Variants in CHRM3 observed in about 807,000 individuals in gnomAD.
CHRM3 encodes the protein muscarinic acetylcholine receptor M3.
A neutral mutation model predicts 41.8 loss-of-function variants in CHRM3; 11 were observed. The observed-to-expected ratio is 0.26, with a 90% confidence interval of 0.17 to 0.44. CHRM3 has a LOEUF of 0.44. Ranked by LOEUF, CHRM3 falls within the 20% of genes least tolerant of loss-of-function variation. The pLI is 1.00. For missense variants in CHRM3, 571 were observed against 745.4 expected (o/e 0.77, Z 2.72); for synonymous variants, 297 against 301.4 (o/e 0.99, Z 0.15).
At position 239,446,224 on chromosome 1, in the gene CHRM3, C is replaced by T. The variant is rs543791709; in HGVS notation, c.-520-46485C>T. Among the ~76,000 whole-genome samples the T allele has an allele frequency of 9.9e-5, 15 of 152,258 alleles. No individual in the cohort carries two copies. The East Asian group carries it at 1.9e-3, about 20-fold the overall frequency. ...TGTTGCAATTACAGGCGTGAGCCAC[C>T]ATGCCTGGCCAGTGTGCACTTTCTA... On this transcript the variant is annotated intron_variant, in intron 1 of 6. Transcript: ENST00000676153.
At chr1:239,694,060 T>C (rs868573808) in intron 5 of CHRM3, among the ~76,000 whole-genome samples, 1 of 152,190 alleles carries the variant, frequency 6.6e-6, no homozygotes, top group African/African-American at 2.4e-5. Flanking sequence ...ATGCTGTTTG[T>C]ATGATATGCA....
At chr1:239,769,345 A>G (rs1449416528) in intron 5 of CHRM3, among the ~76,000 whole-genome samples, 1 of 152,114 alleles carries the variant, frequency 6.6e-6, no homozygotes. Context: ...TGTTATGTCA[A>G]CCCTGTAAGA....
intron 3 of CHRM3, among the ~76,000 whole-genome samples, chr1:239,609,283 G>A (rs1666721536): frequency 6.6e-6 from 1 of 152,138 alleles, no homozygotes; most frequent in South Asian, 2.1e-4. Flanking sequence ...CTTTCACTCA[G>A]CAAAATTATT....
intron 5 of CHRM3, among the ~76,000 whole-genome samples, chr1:239,811,532 A>G (rs1364176385): frequency 6.6e-6 from 1 of 152,198 alleles, no homozygotes; most frequent in Non-Finnish European, 1.5e-5. Flanking sequence ...AGCTATTCAC[A>G]GACTCCTTTG....
chr1:239,668,089 C>CTTTTTTTTTTTTTTT (rs1221135009), intron 4 of CHRM3, among the ~76,000 whole-genome samples: 1 of 75,598 alleles, frequency 1.3e-5, no homozygotes, highest in Non-Finnish European at 2.6e-5. Context: ...TTTCCCCTTT[C>CTTTTTTTTTTTTTTT]TTTTTTTTTT....
chr1:239,431,182 C>T (rs1210860924), intron 1 of CHRM3, among the ~76,000 whole-genome samples: 2 of 152,040 alleles, frequency 1.3e-5, no homozygotes, highest in East Asian at 1.9e-4. Flanking sequence ...GTCAAATGCT[C>T]GTGTACATTA....
At position 239,454,954 on chromosome 1, in the gene CHRM3, A is replaced by C. The variant is rs543259883; in HGVS notation, c.-520-37755A>C. 1.7e-4 allele frequency among the ~76,000 whole-genome samples: 26 copies of C among 152,316 alleles called. No individual in the cohort carries two copies. The South Asian group carries it at 5.4e-3, about 32-fold the overall frequency. ...GTTGTATAGAAGTATAGCACATAGA[A>C]TTATGTATAGTACATAATACTTGGT... On this transcript the variant is annotated intron_variant, in intron 1 of 6. Coordinates refer to ENST00000676153, the MANE Select transcript of CHRM3 (RefSeq NM_001375978.1).
chr1:239,700,024 A>G (rs866024246), intron 5 of CHRM3, among the ~76,000 whole-genome samples: 2 of 152,304 alleles, frequency 1.3e-5, no homozygotes, highest in Middle Eastern at 3.4e-3. Flanking sequence ...TCTGGAAGGA[A>G]AAAAGAAACC....
intron 5 of CHRM3, among the ~76,000 whole-genome samples, chr1:239,723,208 A>G (rs1043325373): frequency 2.6e-5 from 4 of 151,996 alleles, no homozygotes; most frequent in African/African-American, 7.2e-5. Flanking sequence ...ATTACTTGCC[A>G]GAAATGCTAA....
intron 1 of CHRM3, among the ~76,000 whole-genome samples, chr1:239,475,258 G>A (rs1201322770): frequency 6.6e-6 from 1 of 151,998 alleles, no homozygotes; most frequent in East Asian, 1.9e-4. Context: ...GAAAATAAGA[G>A]CTATATTAGT....
intron 6 of CHRM3, among the ~76,000 whole-genome samples, chr1:239,844,540 C>T (rs1048757446): frequency 6.6e-6 from 1 of 152,024 alleles, no homozygotes; most frequent in Non-Finnish European, 1.5e-5. Context: ...GCACTGGGAC[C>T]AATAGATGAC....
chr1:239,387,916 T>A lies in CHRM3; in HGVS notation c.-521+689T>A, dbSNP rs1484824426. 6.6e-6 allele frequency among the ~76,000 whole-genome samples: 1 copy of A among 152,168 alleles called. No individual in the cohort carries two copies. The highest frequency in any genetic ancestry group is 1.5e-5 in the Non-Finnish European group (1 of 68,026). Reference sequence around the variant, plus strand: ...CGCTGGACTGCACCGGTTCTCCTCTTTGGAACACTTCCTCAGCATAGCCTC... The same window carrying A: ...CGCTGGACTGCACCGGTTCTCCTCTATGGAACACTTCCTCAGCATAGCCTC... On this transcript the variant is annotated intron_variant, in intron 1 of 6. Transcript: ENST00000676153. The surrounding 1 kb of genome is among the most constrained non-coding windows in gnomAD (Gnocchi z 5.1).
intron 3 of CHRM3, among the ~76,000 whole-genome samples, chr1:239,588,322 G>A (rs529588279): frequency 7.2e-4 from 110 of 152,242 alleles, no homozygotes; most frequent in Non-Finnish European, 1.2e-3. Context: ...ATCTGAAAGT[G>A]CTTCTCTGTA....
intron 3 of CHRM3, among the ~76,000 whole-genome samples, chr1:239,608,124 G>T (rs1415719458): frequency 6.6e-6 from 1 of 152,150 alleles, no homozygotes; most frequent in Non-Finnish European, 1.5e-5. Context: ...CATAATAAAT[G>T]TAAAAAATTG....
intron 2 of CHRM3, among the ~76,000 whole-genome samples, chr1:239,534,674 T>C (rs143231210): frequency 0.011 from 1,613 of 152,342 alleles, 27 homozygotes; most frequent in South Asian, 0.038. Context: ...CAACCTAAGT[T>C]TGAATCATCA....
intron 5 of CHRM3, among the ~76,000 whole-genome samples, chr1:239,705,958 A>G (rs2148148160): frequency 6.6e-6 from 1 of 151,920 alleles, no homozygotes; most frequent in South Asian, 2.1e-4. Flanking sequence ...GATTAAAAAT[A>G]AAAGAGAAGT....
At chr1:239,519,472 T>G (rs1669481094) in intron 2 of CHRM3, among the ~76,000 whole-genome samples, 1 of 152,170 alleles carries the variant, frequency 6.6e-6, no homozygotes, top group Admixed American at 6.5e-5. Context: ...GAAATCTGGT[T>G]TTCTATGATT....
chr1:239,881,994 C>T (rs1677680385), intron 6 of CHRM3, among the ~76,000 whole-genome samples: 1 of 152,198 alleles, frequency 6.6e-6, no homozygotes, highest in African/African-American at 2.4e-5. Context: ...CAACCTCCTC[C>T]TCCCGGGTTC....
chr1:239,801,219 T>A (rs540173424), intron 5 of CHRM3, among the ~76,000 whole-genome samples: 25 of 152,336 alleles, frequency 1.6e-4, no homozygotes, highest in African/African-American at 6.0e-4. Context: ...ATTTTGGATT[T>A]GAGGAAATTG....
Sources: gnomAD v4.1 joint callset for allele counts (sites outside exome capture counted in the v4.1 genomes callset) on GRCh38, gnomAD v4.1.1 for gene constraint, Gnocchi (gnomAD v3.1) non-coding constraint, MANE v1.5 for transcripts, NCBI Gene and HGNC (gene_info 2026-07-23, HGNC 2026-07-21) for gene names.